SLC25A17: variants seen among roughly 807,000 people sequenced by gnomAD.
The protein encoded by SLC25A17 is peroxisomal membrane protein PMP34.
In SLC25A17, 26 loss-of-function variants were observed where a neutral mutation model predicts 38.5. The ratio of observed to expected loss-of-function variants is 0.68; its 90% confidence interval spans 0.50 to 0.94. The LOEUF is 0.94. Among genes scored for constraint, SLC25A17 ranks in the 40% least tolerant of loss-of-function variants. The pLI is 0.00. For synonymous variants in SLC25A17, 139 were observed against 136.2 expected, an observed-to-expected ratio of 1.02 and a Z score of -0.14; for missense variants, 333 against 372.7, an observed-to-expected ratio of 0.89 and a Z score of 0.88.
intron 7 of SLC25A17, among the ~76,000 whole-genome samples, chr22:40,774,944 T>C (rs1357757101): frequency 6.6e-6 from 1 of 152,070 alleles, no homozygotes; most frequent in Non-Finnish European, 1.5e-5. Flanking sequence ...CCTACCCCTC[T>C]CCTCTCCAGT....
At chr22:40,811,708 G>T (rs2033486334) in intron 1 of SLC25A17, among the ~76,000 whole-genome samples, 1 of 152,162 alleles carries the variant, frequency 6.6e-6, no homozygotes, top group South Asian at 2.1e-4. Flanking sequence ...TGGGTACCAG[G>T]CTCTTTTAAA....
intron 7 of SLC25A17, among the ~76,000 whole-genome samples, chr22:40,775,968 AAC>A (rs2057239645): frequency 6.6e-6 from 1 of 152,130 alleles, no homozygotes; most frequent in Non-Finnish European, 1.5e-5. Flanking sequence ...AGAATGGACT[AAC>A]ACACACATCA....
chr22:40,809,052 T>C (rs1303672858), intron 1 of SLC25A17, among the ~76,000 whole-genome samples: 1 of 152,006 alleles, frequency 6.6e-6, no homozygotes, highest in Non-Finnish European at 1.5e-5. Flanking sequence ...TTTTGGAAAA[T>C]ATGGTTTAAA....
intron 1 of SLC25A17, among the ~76,000 whole-genome samples, chr22:40,809,442 T>A (rs533152022): frequency 6.7e-6 from 1 of 149,388 alleles, no homozygotes; most frequent in South Asian, 2.1e-4. Context: ...TGGTGAAACA[T>A]GTAGAAACCC....
intron 1 of SLC25A17, among the ~76,000 whole-genome samples, chr22:40,799,928 A>T (rs985188723): frequency 9.9e-5 from 15 of 152,222 alleles, no homozygotes; most frequent in Non-Finnish European, 4.4e-5. Flanking sequence ...AGGCAAATGG[A>T]TTTTTAACCT....
At chr22:40,781,324 C>A (rs1011942892) in intron 4 of SLC25A17, among the ~76,000 whole-genome samples, 7 of 151,682 alleles carry the variant, frequency 4.6e-5, no homozygotes, top group Non-Finnish European at 7.4e-5. Flanking sequence ...CGGCTCACTG[C>A]AAGCTCCGCC....
At chr22:40,796,884 G>C (rs1194327711) in intron 2 of SLC25A17, among the ~76,000 whole-genome samples, 3 of 152,144 alleles carry the variant, frequency 2.0e-5, no homozygotes, top group Non-Finnish European at 4.4e-5. Flanking sequence ...GACAGACGAA[G>C]ACGCTCCCAA....
intron 1 of SLC25A17, among the ~76,000 whole-genome samples, chr22:40,801,786 ATTTCT>A (rs751848525): frequency 1.3e-5 from 2 of 151,988 alleles, no homozygotes; most frequent in Non-Finnish European, 2.9e-5. Flanking sequence ...ATGGTACTGC[ATTTCT>A]TTTCTTTTCT....
chr22:40,806,515 TATG>T (rs995841775), intron 1 of SLC25A17, among the ~76,000 whole-genome samples: 1 of 152,156 alleles, frequency 6.6e-6, no homozygotes, highest in African/African-American at 2.4e-5. Context: ...CCTACAGGGT[TATG>T]AAGGCTCTTC....
chr22:40,807,905 G>A (rs2057544141), intron 1 of SLC25A17, among the ~76,000 whole-genome samples: 1 of 152,092 alleles, frequency 6.6e-6, no homozygotes, highest in Non-Finnish European at 1.5e-5. Flanking sequence ...AAAATTATTT[G>A]TTATATATGT....
chr22:40,810,460 G>A (rs942535681), intron 1 of SLC25A17, among the ~76,000 whole-genome samples: 1 of 149,862 alleles, frequency 6.7e-6, no homozygotes, highest in African/African-American at 2.5e-5. Flanking sequence ...TGATTCTCCT[G>A]CCTCAGCCTC....
intron 4 of SLC25A17, among the ~76,000 whole-genome samples, chr22:40,782,139 G>C (rs1043625158): frequency 6.6e-6 from 1 of 152,118 alleles, no homozygotes; most frequent in Non-Finnish European, 1.5e-5. Context: ...AGAATCGCTT[G>C]AACCCAGAAG....
At chr22:40,772,413 T>C (rs988296005) in intron 8 of SLC25A17, among the ~76,000 whole-genome samples, 1 of 152,182 alleles carries the variant, frequency 6.6e-6, no homozygotes, top group Non-Finnish European at 1.5e-5. Flanking sequence ...CAAGCAATCC[T>C]TCCACCTCAG....
intron 4 of SLC25A17, among the ~76,000 whole-genome samples, chr22:40,787,146 A>G (rs1485767281): frequency 6.6e-6 from 1 of 152,234 alleles, no homozygotes; most frequent in Non-Finnish European, 1.5e-5. Flanking sequence ...ACAGGAAACA[A>G]GGAAAGATTC....
At chr22:40,814,793 T>TATATA (rs1568991030) in intron 1 of SLC25A17, among the ~76,000 whole-genome samples, 9 of 134,434 alleles carry the variant, frequency 6.7e-5, no homozygotes, top group African/African-American at 2.6e-4. Context: ...ATATATATTG[T>TATATA]TGTTGTTGTT....
intron 1 of SLC25A17, among the ~76,000 whole-genome samples, chr22:40,815,439 GA>G (rs1020815975): frequency 1.3e-5 from 2 of 152,118 alleles, no homozygotes; most frequent in Non-Finnish European, 2.9e-5. Flanking sequence ...GGAAAAAACT[GA>G]AAAAACTCAT....
Position 40,776,900 on chromosome 22 carries a change from A to G in SLC25A17, c.693+140T>C. The G allele has an allele frequency of 4.0e-6, 3 of 749,936 alleles. No homozygotes were observed. In the African/African-American group the frequency reaches 5.3e-5, roughly 13 times the overall value. The allele number at this position is 749,936 out of a possible 1,614,324, so 46.5% of individuals were successfully genotyped here. The stretch of plus-strand genomic sequence containing the variant: ...CAGAGGGAGATCCTGTCTCAAAAAA[A>G]GAAAAGAAAAAAAACAGATAGGGAA... On this transcript the variant is annotated intron_variant, in intron 7 of 8. Coordinates refer to ENST00000435456, the MANE Select transcript of SLC25A17 (RefSeq NM_006358.4).
intron 2 of SLC25A17, among the ~76,000 whole-genome samples, chr22:40,796,613 C>T (rs1464555534): frequency 7.0e-6 from 1 of 142,640 alleles, no homozygotes. Flanking sequence ...GAGACTCTGT[C>T]TCAAAAAAAA....
chr22:40,775,264 C>T (rs2057229429), intron 7 of SLC25A17, among the ~76,000 whole-genome samples: 1 of 152,040 alleles, frequency 6.6e-6, no homozygotes. Context: ...CTAGGATACA[C>T]CAAATTCTTA....
Sources: gnomAD v4.1 joint callset for allele counts (sites outside exome capture counted in the v4.1 genomes callset) on GRCh38, gnomAD v4.1.1 for gene constraint, MANE v1.5 for transcripts, NCBI Gene and HGNC (gene_info 2026-07-23, HGNC 2026-07-21) for gene names.